SYNE3: variants seen among roughly 807,000 people sequenced by gnomAD.
The protein encoded by SYNE3 is nesprin-3.
A neutral mutation model predicts 111.2 loss-of-function variants in SYNE3; 100 were observed. That is an observed-to-expected ratio of 0.90 (90% CI 0.77 to 1.06). The LOEUF (loss-of-function observed/expected upper bound fraction) is 1.06. Among genes scored for constraint, SYNE3 ranks in the 50% least tolerant of loss-of-function variants. SYNE3 has a pLI of 0.00. For synonymous variants in SYNE3, 547 were observed against 533.9 expected, an observed-to-expected ratio of 1.02 and a Z score of -0.34; for missense variants, 1,160 against 1,240.3, an observed-to-expected ratio of 0.94 and a Z score of 0.97.
chr14:95,440,568 T>A (rs956358855), intron 11 of SYNE3, among the ~76,000 whole-genome samples: 4 of 152,222 alleles, frequency 2.6e-5, no homozygotes, highest in African/African-American at 9.7e-5. Context: ...GGTGGTATAT[T>A]CACACAATGG....
rs141403586 is a variant in SYNE3, at chr14:95,439,764, C to T, written c.2094G>A (p.Pro698=). 8.7e-5 allele frequency: 141 copies of T among 1,612,834 alleles called. 1 individual carries two copies. Among genetic ancestry groups the T allele is most frequent in the Admixed American group, 1.2e-4 (7 of 59,930 alleles). The change falls in exon 13 of 18, where the codon CCG becomes CCA. Residue 698 remains proline, a synonymous_variant. Coordinates refer to ENST00000682763, the MANE Select transcript of SYNE3 (RefSeq NM_152592.6). The part of the protein sequence containing the change: ...AEFERLVAEF[P]EKEAQLSLVE... ...CCAGGGACAGCTGGGCCTCCTTCTC[C>T]GGGAATTCTGCCACCAGCCTCTAAA...
chr14:95,442,218 CT>C (rs1447000793), intron 11 of SYNE3, among the ~76,000 whole-genome samples: 1 of 152,216 alleles, frequency 6.6e-6, no homozygotes, highest in African/African-American at 2.4e-5. Flanking sequence ...GTTGTGCCAC[CT>C]GACACAGCAT....
Position 95,408,027 on chromosome 14 carries a change from T to G in SYNE3, c.*9799A>C, listed in dbSNP as rs1165294840. On this transcript the variant is annotated 3_prime_UTR_variant, in exon 18 of 18. Transcript: ENST00000682763. ...CAATCTGGTGTGATCATCAGCGTCA[T>G]CTGGGAGCAGCTTCAAAAACATTCT... The G allele has an allele frequency of 6.6e-6, 1 of 152,194 alleles. No homozygotes were observed. Among genetic ancestry groups the G allele is most frequent in the African/African-American group, 2.4e-5 (1 of 41,440 alleles). 9.4% of individuals were successfully genotyped at this position (152,194 alleles called of 1,614,324 possible). A position where few individuals can be genotyped will look rare whatever the true frequency, so the allele number is the denominator to read the frequency against.
At chr14:95,472,375 T>A (rs1025815560) in intron 2 of SYNE3, among the ~76,000 whole-genome samples, 9 of 152,062 alleles carry the variant, frequency 5.9e-5, no homozygotes, top group Non-Finnish European at 8.8e-5. Flanking sequence ...AGACTCCCTC[T>A]CAATAAACAA....
intron 17 of SYNE3, among the ~76,000 whole-genome samples, chr14:95,427,740 A>G (rs1463164964): frequency 6.6e-6 from 1 of 151,366 alleles, no homozygotes; most frequent in Admixed American, 6.6e-5. Flanking sequence ...ACAGCCTGGC[A>G]TTCGGGGCCA....
At chr14:95,481,739 C>T (rs1367358262) in intron 1 of SYNE3, among the ~76,000 whole-genome samples, 2 of 152,218 alleles carry the variant, frequency 1.3e-5, no homozygotes, top group Non-Finnish European at 2.9e-5. Context: ...CCAGGGCTGC[C>T]CCTGTGGTCC....
intron 17 of SYNE3, among the ~76,000 whole-genome samples, chr14:95,423,015 G>T (rs1885218383): frequency 6.6e-6 from 1 of 152,220 alleles, no homozygotes; most frequent in African/African-American, 2.4e-5. Flanking sequence ...TTACAGCCCT[G>T]CGTTCGCTCC....
Position 95,414,686 on chromosome 14 carries a change from G to GACACACACACAC in SYNE3, c.*3128_*3139dup, listed in dbSNP as rs71132345. ...CTCCTTCCCTCCTCTCTCTCTCTCT[G>GACACACACACAC]ACACACACACACACACACACACACA... On this transcript the variant is annotated 3_prime_UTR_variant, in exon 18 of 18. Coordinates refer to ENST00000682763, the MANE Select transcript of SYNE3 (RefSeq NM_152592.6). 7 of 128,056 alleles carry GACACACACACAC rather than the reference G, an allele frequency of 5.5e-5. No homozygotes were observed. Among genetic ancestry groups the GACACACACACAC allele is most frequent in the Non-Finnish European group, 6.7e-5 (4 of 60,106 alleles). 7.9% of individuals were successfully genotyped at this position (128,056 alleles called of 1,614,324 possible). A position where few individuals can be genotyped will look rare whatever the true frequency, so the allele number is the denominator to read the frequency against.
intron 9 of SYNE3, among the ~76,000 whole-genome samples, chr14:95,445,169 C>A (rs919391224): frequency 1.3e-5 from 2 of 152,186 alleles, no homozygotes; most frequent in Non-Finnish European, 2.9e-5. Context: ...TTCATCCCCC[C>A]AGCTCCTAGA....
intron 4 of SYNE3, among the ~76,000 whole-genome samples, chr14:95,462,949 A>G (rs1887930981): frequency 6.6e-6 from 1 of 152,112 alleles, no homozygotes; most frequent in South Asian, 2.1e-4. Flanking sequence ...TGAGGTCGGG[A>G]GTTTGAGACC....
chr14:95,515,984 GCCC>G (rs1890909077), intron 1 of SYNE3, among the ~76,000 whole-genome samples: 2 of 152,222 alleles, frequency 1.3e-5, no homozygotes, highest in Non-Finnish European at 2.9e-5. Flanking sequence ...GCTCTCTCAG[GCCC>G]TGCAAGCCAT....
At position 95,439,072 on chromosome 14, in the gene SYNE3, G is replaced by A. The variant is rs1886259490; in HGVS notation, c.2337C>T (p.Leu779=). ...FTNNIPKSGF[L]INPMDPIPRH... Reference sequence around the variant, plus strand: ...TGGGAATAGGATCCATGGGATTGATGAGAAATCCTGACTTTGGGATGTTGT... The same window carrying A: ...TGGGAATAGGATCCATGGGATTGATAAGAAATCCTGACTTTGGGATGTTGT... Residue 779 remains leucine, a synonymous_variant, in exon 14 of 18, where the codon CTC becomes CTT. Coordinates refer to ENST00000682763, the MANE Select transcript of SYNE3 (RefSeq NM_152592.6). 2.5e-6 allele frequency: 4 copies of A among 1,614,236 alleles called. No homozygotes were observed. Among genetic ancestry groups the A allele is most frequent in the Non-Finnish European group, 3.4e-6 (4 of 1,180,042 alleles).
At chr14:95,504,970 T>G (rs189667586) in intron 1 of SYNE3, among the ~76,000 whole-genome samples, 1 of 152,338 alleles carries the variant, frequency 6.6e-6, no homozygotes, top group African/African-American at 2.4e-5. Flanking sequence ...AGGCAGGGCC[T>G]GTTTATATCA....
At chr14:95,456,046 G>A (rs1887420895) in intron 5 of SYNE3, 3 of 415,478 alleles carry the variant, frequency 7.2e-6, no homozygotes, top group Non-Finnish European at 8.5e-6. Flanking sequence ...TGGAAACAGT[G>A]TGGAGCCAAA....
intron 17 of SYNE3, among the ~76,000 whole-genome samples, chr14:95,423,234 C>A (rs936703194): frequency 1.3e-5 from 2 of 152,102 alleles, no homozygotes; most frequent in East Asian, 1.9e-4. Flanking sequence ...GTGAGAAGTG[C>A]CCATGGATGT....
In SYNE3 at chr14:95,439,994, C is replaced by T. The variant is rs748350441; in HGVS notation, c.1993G>A (p.Val665Ile). 1.2e-5 allele frequency: 20 copies of T among 1,613,400 alleles called. No individual in the cohort carries two copies. Among genetic ancestry groups the T allele is most frequent in the South Asian group, 6.6e-5 (6 of 91,088 alleles). Reference protein sequence around the residue: ...HQLLELRQWIVVTTQKLEAHR... With the variant: ...HQLLELRQWIIVTTQKLEAHR... ...GCCTCCAGCTTTTGCGTGGTCACAA[C>T]GATCCACTGCCGCAGCTCCAGCAGC... Residue 665 changes from valine (V) to isoleucine (I), a missense_variant, in exon 12 of 18, where the codon GTT becomes ATT. Coordinates refer to ENST00000682763, the MANE Select transcript of SYNE3 (RefSeq NM_152592.6).
chr14:95,513,772 T>TATATATATATA (rs56006428), intron 1 of SYNE3, among the ~76,000 whole-genome samples: 236 of 131,804 alleles, frequency 1.8e-3, no homozygotes, highest in Non-Finnish European at 2.2e-3. Context: ...TATATATATA[T>TATATATATATA]TCAGAATCCA....
At position 95,409,045 on chromosome 14, in the gene SYNE3, G is replaced by C. The variant is rs1041887715; in HGVS notation, c.*8781C>G. Reference sequence around the variant, plus strand: ...AGGAGGAAAGCAGCATGCTGCCCCTGCTTTGGAATGTTGCCCTCCAGCTAA... The same window carrying C: ...AGGAGGAAAGCAGCATGCTGCCCCTCCTTTGGAATGTTGCCCTCCAGCTAA... On this transcript the variant is annotated 3_prime_UTR_variant, in exon 18 of 18. Transcript: ENST00000682763. 1 of 420,906 alleles carries C rather than the reference G, an allele frequency of 2.4e-6. No individual in the cohort carries two copies. Among genetic ancestry groups the C allele is most frequent in the Non-Finnish European group, 4.8e-6 (1 of 206,860 alleles). 26.1% of individuals were successfully genotyped at this position (420,906 alleles called of 1,614,324 possible).
chr14:95,409,713 A>G lies in SYNE3; in HGVS notation c.*8113T>C, dbSNP rs1002121518. 1 of 300,322 alleles carries G rather than the reference A, an allele frequency of 3.3e-6. No individual in the cohort carries two copies. The allele number at this position is 300,322 out of a possible 1,614,324, so 18.6% of individuals were successfully genotyped here. A position where few individuals can be genotyped will look rare whatever the true frequency, so the allele number is the denominator to read the frequency against. ...TTCCTCCTTGTTCTTACTTTGAAAA[A>G]CAGAAGTCGTTTCTCTCATACACAG... On this transcript the variant is annotated 3_prime_UTR_variant, in exon 18 of 18. Transcript: ENST00000682763.
Sources: gnomAD v4.1 joint callset for allele counts (sites outside exome capture counted in the v4.1 genomes callset) on GRCh38, gnomAD v4.1.1 for gene constraint, MANE v1.5 for transcripts, NCBI Gene and HGNC (gene_info 2026-07-23, HGNC 2026-07-21) for gene names.